Variants in AKAP6 observed in about 807,000 individuals in gnomAD.
The protein encoded by AKAP6 is A-kinase anchoring protein 6.
A neutral mutation model predicts 188.5 loss-of-function variants in AKAP6; 58 were observed. That is an observed-to-expected ratio of 0.31 (90% CI 0.25 to 0.38). The LOEUF (loss-of-function observed/expected upper bound fraction) is 0.38. Ranked by LOEUF, AKAP6 falls within the 10% of genes least tolerant of loss-of-function variation. The pLI is 1.00. For missense variants in AKAP6, 2,710 were observed against 2,740.0 expected, an observed-to-expected ratio of 0.99 and a Z score of 0.24; for synonymous variants, 989 against 998.6, an observed-to-expected ratio of 0.99 and a Z score of 0.18.
intron 4 of AKAP6, among the ~76,000 whole-genome samples, chr14:32,547,975 G>A (rs1175582494): frequency 6.6e-6 from 1 of 152,046 alleles, no homozygotes; most frequent in Non-Finnish European, 1.5e-5. Context: ...GCCATTGGAA[G>A]TAGATCCAGC....
intron 9 of AKAP6, among the ~76,000 whole-genome samples, chr14:32,728,739 C>G (rs1378403414): frequency 6.6e-6 from 1 of 152,190 alleles, no homozygotes; most frequent in African/African-American, 2.4e-5. Flanking sequence ...CCAACAGAAG[C>G]ACCATACAAA....
At chr14:32,565,023 C>T (rs951454765) in intron 4 of AKAP6, among the ~76,000 whole-genome samples, 5 of 152,160 alleles carry the variant, frequency 3.3e-5, no homozygotes, top group African/African-American at 1.2e-4. Flanking sequence ...GAATGACGGA[C>T]AGAGTGAACA....
chr14:32,608,560 TG>T (rs1028960079), intron 7 of AKAP6, among the ~76,000 whole-genome samples: 42 of 151,428 alleles, frequency 2.8e-4, no homozygotes, highest in African/African-American at 9.9e-4. Flanking sequence ...CCATTGCTGG[TG>T]GCCTTGAGAA....
intron 1 of AKAP6, among the ~76,000 whole-genome samples, chr14:32,428,543 C>T (rs936682140): frequency 2.0e-5 from 3 of 151,960 alleles, no homozygotes; most frequent in Non-Finnish European, 4.4e-5. Context: ...CCTGAAGGGC[C>T]GTTAGGGAAA....
chr14:32,745,937 C>T (rs1336005287), intron 11 of AKAP6, among the ~76,000 whole-genome samples: 5 of 152,176 alleles, frequency 3.3e-5, no homozygotes, highest in South Asian at 2.1e-4. Flanking sequence ...GGGAGCCTCA[C>T]CCTATGGCCA....
At chr14:32,783,202 C>T (rs1051602751) in intron 12 of AKAP6, among the ~76,000 whole-genome samples, 2 of 151,810 alleles carry the variant, frequency 1.3e-5, no homozygotes, top group Non-Finnish European at 2.9e-5. Flanking sequence ...ATTGAATTTC[C>T]ATATGCACAG....
intron 9 of AKAP6, chr14:32,718,390 AC>A (rs2030344344): frequency 1.0e-6 from 1 of 953,522 alleles, no homozygotes; most frequent in African/African-American, 1.8e-5. Flanking sequence ...ATGGGTAGGT[AC>A]CCAAAAGAAA....
chr14:32,493,219 T>C (rs1333534514), intron 2 of AKAP6, among the ~76,000 whole-genome samples: 3 of 151,956 alleles, frequency 2.0e-5, no homozygotes, highest in Non-Finnish European at 1.5e-5. Flanking sequence ...TGTTTGTTTG[T>C]TTTTTGAGAC....
At chr14:32,448,273 C>G (rs1890824330) in intron 2 of AKAP6, among the ~76,000 whole-genome samples, 1 of 152,160 alleles carries the variant, frequency 6.6e-6, no homozygotes, top group African/African-American at 2.4e-5. Context: ...GTGACAATAA[C>G]CAAGTACACC....
chr14:32,439,686 G>A (rs1287162255), intron 2 of AKAP6, among the ~76,000 whole-genome samples: 1 of 152,190 alleles, frequency 6.6e-6, no homozygotes, highest in Non-Finnish European at 1.5e-5. Flanking sequence ...GCAACAGCCA[G>A]GGTTGATTCA....
chr14:32,501,940 C>T (rs1435956825), intron 2 of AKAP6, among the ~76,000 whole-genome samples: 1 of 152,076 alleles, frequency 6.6e-6, no homozygotes, highest in Non-Finnish European at 1.5e-5. Context: ...GATAAGCGCC[C>T]AGTATAATGA....
chr14:32,462,277 G>A (rs1022101702), intron 2 of AKAP6, among the ~76,000 whole-genome samples: 9 of 152,000 alleles, frequency 5.9e-5, no homozygotes, highest in South Asian at 2.1e-4. Context: ...ACACATAATC[G>A]TCAGATTTTC....
chr14:32,350,490 A>C (rs1254201067), intron 1 of AKAP6, among the ~76,000 whole-genome samples: 1 of 152,224 alleles, frequency 6.6e-6, no homozygotes, highest in Non-Finnish European at 1.5e-5. Context: ...CTAAGGACAT[A>C]TGACAACTAA....
At position 32,767,733 on chromosome 14, in the gene AKAP6, C is replaced by G. The variant is rs74041696; in HGVS notation, c.3373-5945C>G. ...TTCTTACCTTCAGCAACTTTCACAGCCTGGTTTTAGTCCCATGAATCCTAA... is the reference window on the plus strand; with the variant it reads ...TTCTTACCTTCAGCAACTTTCACAGGCTGGTTTTAGTCCCATGAATCCTAA... On this transcript the variant is annotated intron_variant, in intron 11 of 13. Coordinates refer to ENST00000280979, the MANE Select transcript of AKAP6 (RefSeq NM_004274.5). Among the ~76,000 whole-genome samples, 286 of 152,270 alleles carry G rather than the reference C, an allele frequency of 1.9e-3. 2 individuals carry two copies. Among genetic ancestry groups the G allele is most frequent in the African/African-American group, 6.6e-3 (276 of 41,560 alleles).
intron 11 of AKAP6, among the ~76,000 whole-genome samples, chr14:32,760,080 GA>G (rs2032486189): frequency 6.6e-6 from 1 of 152,170 alleles, no homozygotes; most frequent in Non-Finnish European, 1.5e-5. Context: ...GAAGGTGTTA[GA>G]ACACGACCAA....
In AKAP6 at chr14:32,631,158, T is replaced by C. The variant is rs529970427; in HGVS notation, c.2730+30366T>C. On this transcript the variant is annotated intron_variant, in intron 7 of 13. Coordinates refer to ENST00000280979, the MANE Select transcript of AKAP6 (RefSeq NM_004274.5). ...GAGAGATTTGTTCTCATATTTATTT[T>C]ACTAAAATTTCATATGGCATATGAA... Among the ~76,000 whole-genome samples the C allele has an allele frequency of 3.3e-5, 5 of 152,184 alleles. No individual in the cohort carries two copies. In the South Asian group the frequency reaches 1.0e-3, roughly 32 times the overall value.
intron 1 of AKAP6, among the ~76,000 whole-genome samples, chr14:32,411,858 G>C (rs945357484): frequency 6.7e-6 from 1 of 149,016 alleles, no homozygotes; most frequent in Non-Finnish European, 1.5e-5. Flanking sequence ...AGAGGCTAAT[G>C]AGAACATTTG....
intron 2 of AKAP6, among the ~76,000 whole-genome samples, chr14:32,485,063 A>G (rs527433849): frequency 1.3e-5 from 1 of 75,626 alleles, no homozygotes; most frequent in Non-Finnish European, 2.2e-5. Context: ...TAGCTTAATT[A>G]AAGTGGCTGA....
chr14:32,539,282 T>C (rs1014938439), intron 3 of AKAP6, among the ~76,000 whole-genome samples: 3 of 152,220 alleles, frequency 2.0e-5, no homozygotes, highest in African/African-American at 7.2e-5. Context: ...GAACTTACCA[T>C]GTGCTAGATG....
Sources: allele counts gnomAD v4.1 joint callset (sites outside exome capture counted in the v4.1 genomes callset), GRCh38; gene constraint gnomAD v4.1.1; transcripts MANE v1.5; gene names NCBI Gene and HGNC (gene_info 2026-07-23, HGNC 2026-07-21).